Variants in NICOL1 observed in about 807,000 individuals in gnomAD.
NICOL1 encodes NELL2-interacting cell ontogeny regulator 1.
the NICOL1 span, among the ~76,000 whole-genome samples, chr4:2,038,387 A>T: frequency 6.6e-6 from 1 of 151,050 alleles, no homozygotes; most frequent in Non-Finnish European, 1.5e-5. Context: ...TCCTAGGCTA[A>T]AGGGATCCTC....
At chr4:2,042,026 G>A in the NICOL1 span, 8 of 1,475,264 alleles carry the variant, frequency 5.4e-6, no homozygotes, top group East Asian at 1.5e-4. Flanking sequence ...CGGAACGTCT[G>A]CCGGTGTCCC....
At chr4:2,042,831 G>C in the NICOL1 span, 5 of 1,478,070 alleles carry the variant, frequency 3.4e-6, no homozygotes, top group Non-Finnish European at 4.5e-6. Context: ...GCGGGTGAGC[G>C]CCCGCGGCGC....
chr4:2,042,713 A>G, the NICOL1 span: 1 of 1,419,344 alleles, frequency 7.0e-7, no homozygotes. Flanking sequence ...CGCCCCCTCC[A>G]CCCTGACCCG....
the NICOL1 span, chr4:2,043,852 G>T: frequency 6.5e-7 from 1 of 1,549,066 alleles, no homozygotes; most frequent in South Asian, 1.2e-5. Flanking sequence ...CCCTCTTGTT[G>T]CTTTGCAGAC....
the NICOL1 span, chr4:2,042,663 G>T: frequency 1.2e-5 from 10 of 868,404 alleles, no homozygotes; most frequent in East Asian, 3.1e-4. Context: ...TGGGTGGACG[G>T]GCCCAGAGTG....
chr4:2,037,764 T>G, the NICOL1 span, among the ~76,000 whole-genome samples: 10 of 152,066 alleles, frequency 6.6e-5, no homozygotes, highest in East Asian at 1.9e-3. Context: ...AATGTCTGGT[T>G]CATTTCCAAA....
At chr4:2,040,831 G>C in the NICOL1 span, among the ~76,000 whole-genome samples, 2 of 152,116 alleles carry the variant, frequency 1.3e-5, no homozygotes, top group African/African-American at 4.8e-5. Context: ...TCACGGGCAC[G>C]CTTCCCCAAC....
At chr4:2,043,438 C>G in the NICOL1 span, among the ~76,000 whole-genome samples, 2 of 152,310 alleles carry the variant, frequency 1.3e-5, no homozygotes, top group East Asian at 3.9e-4. Flanking sequence ...CCACCCCCCA[C>G]CAGCCCTAGT....
chr4:2,041,850 C>T, the NICOL1 span: 3 of 859,780 alleles, frequency 3.5e-6, no homozygotes, highest in African/African-American at 5.4e-5. Context: ...CTGGACGCTG[C>T]TCCCGGGGGC....
At chr4:2,041,583 C>T in the NICOL1 span, 6 of 176,130 alleles carry the variant, frequency 3.4e-5, no homozygotes, top group Non-Finnish European at 5.9e-5. Flanking sequence ...AGCCGATCCC[C>T]CAGACCAGCT....
At chr4:2,042,045 T>C in the NICOL1 span, 14 of 1,476,124 alleles carry the variant, frequency 9.5e-6, no homozygotes, top group Admixed American at 2.6e-5. Flanking sequence ...CCCGCGCTGC[T>C]GGTCCCGGGG....
chr4:2,040,033 G>A, the NICOL1 span, among the ~76,000 whole-genome samples: 1 of 151,356 alleles, frequency 6.6e-6, no homozygotes, highest in Non-Finnish European at 1.5e-5. Context: ...GAACCAGCAA[G>A]TATGACAGAG....
At chr4:2,042,444 G>C in the NICOL1 span, 1 of 433,912 alleles carries the variant, frequency 2.3e-6, no homozygotes, top group African/African-American at 2.1e-5. Flanking sequence ...TGGGCGCCCG[G>C]GCCCGCGCCG....
chr4:2,038,120 T>G, the NICOL1 span, among the ~76,000 whole-genome samples: 10 of 150,404 alleles, frequency 6.6e-5, no homozygotes, highest in Middle Eastern at 3.6e-3. Context: ...TTCACTTATA[T>G]TTTTGTTATT....
At chr4:2,039,275 G>T in the NICOL1 span, among the ~76,000 whole-genome samples, 1 of 151,938 alleles carries the variant, frequency 6.6e-6, no homozygotes, top group Non-Finnish European at 1.5e-5. Flanking sequence ...TCAGCTGGGT[G>T]TGGGGGCAGG....
chr4:2,038,244 T>TGC, the NICOL1 span, among the ~76,000 whole-genome samples: 1 of 50,806 alleles, frequency 2.0e-5, no homozygotes, highest in African/African-American at 9.6e-5. Flanking sequence ...TGTGTATATA[T>TGC]ATATATATAT....
the NICOL1 span, chr4:2,041,867 C>G: frequency 1.2e-5 from 13 of 1,040,514 alleles, no homozygotes; most frequent in East Asian, 3.9e-4. Context: ...GGGCAGCCCC[C>G]GGCCAGGGCC....
the NICOL1 span, chr4:2,042,398 C>CGCT: frequency 2.0e-6 from 1 of 503,950 alleles, no homozygotes; most frequent in East Asian, 3.7e-5. Context: ...CCGCCGCCGC[C>CGCT]GCCGCTGCTG....
chr4:2,042,179 G>A, the NICOL1 span: 1 of 1,448,926 alleles, frequency 6.9e-7, no homozygotes, highest in African/African-American at 1.5e-5. Flanking sequence ...ACCGGAGGTG[G>A]GGAGGGGGCT....
Sources: gnomAD v4.1 joint callset for allele counts (sites outside exome capture counted in the v4.1 genomes callset) on GRCh38, gnomAD v4.1.1 for gene constraint, MANE v1.5 for transcripts, NCBI Gene and HGNC (gene_info 2026-07-23, HGNC 2026-07-21) for gene names.